Variants in PLXNA2 observed in about 807,000 individuals in gnomAD.
PLXNA2 encodes plexin-A2.
PLXNA2 carries 91 observed loss-of-function variants against 193.5 expected under a neutral mutation model. The ratio of observed to expected loss-of-function variants is 0.47; its 90% CI spans 0.40 to 0.56. The LOEUF (loss-of-function observed/expected upper bound fraction) is 0.56. Among genes scored for constraint, PLXNA2 ranks in the 20% least tolerant of loss-of-function variants. The pLI, the probability that PLXNA2 is intolerant of heterozygous loss-of-function variation, is 0.00. For synonymous variants in PLXNA2, 997 were observed against 1,027.3 expected (o/e 0.97, Z 0.56); for missense variants, 1,995 against 2,503.2 (o/e 0.80, Z 4.33).
At chr1:208,106,207 G>A (rs899309556) in intron 4 of PLXNA2, among the ~76,000 whole-genome samples, 3 of 152,046 alleles carry the variant, frequency 2.0e-5, no homozygotes, top group Non-Finnish European at 2.9e-5. Context: ...ACAAACCAGA[G>A]GAAAGAAATG....
intron 3 of PLXNA2, 141 bp from the exon 4 acceptor site, chr1:208,142,604 T>C: frequency 1.3e-6 from 1 of 764,026 alleles, no homozygotes; most frequent in Non-Finnish European, 2.0e-6. Flanking sequence ...TGCCACTTCT[T>C]TTAAACAGCC....
Position 208,043,091 on chromosome 1 carries a change from G to A in PLXNA2, c.3987C>T (p.Ile1329=), listed in dbSNP as rs760442158. 1.4e-5 allele frequency: 22 copies of A among 1,613,902 alleles called. No individual in the cohort carries two copies. In the East Asian group the frequency reaches 2.0e-4, roughly 15 times the overall value. The change falls in exon 21 of 32, where the codon ATC becomes ATT. Residue 1329 remains isoleucine, a synonymous_variant. Coordinates refer to ENST00000367033, the MANE Select transcript of PLXNA2 (RefSeq NM_025179.4). ...GCTCCCGCAGGACGGGGTGGTCCTC[G>A]ATGCCCGGGAACAGGACTCGCATAG... ...TYAMRVLFPG[I]EDHPVLRELE...
chr1:208,181,655 G>T (rs1669846351), intron 3 of PLXNA2, among the ~76,000 whole-genome samples: 1 of 152,160 alleles, frequency 6.6e-6, no homozygotes, highest in Non-Finnish European at 1.5e-5. Context: ...TCAGAGAGGG[G>T]CTGGGAGGGG....
intron 10 of PLXNA2, among the ~76,000 whole-genome samples, chr1:208,083,671 AC>A (rs1009288600): frequency 6.6e-6 from 1 of 150,572 alleles, no homozygotes; most frequent in African/African-American, 2.5e-5. Context: ...TCTCCAGCTG[AC>A]CCCCCACAGT....
Position 208,027,190 on chromosome 1 carries a change from C to T in PLXNA2, c.*53G>A. ...CACTTGTCCTTCCATCTGAGACTCC[C>T]AGTGTGACAGCTTGGACAGGTCCCT... On this transcript the variant is annotated 3_prime_UTR_variant, in exon 32 of 32. Transcript: ENST00000367033. 1 of 1,457,122 alleles carries T rather than the reference C, an allele frequency of 6.9e-7. No individual in the cohort carries two copies. The highest frequency in any genetic ancestry group is 9.6e-7 in the Non-Finnish European group (1 of 1,041,458). The allele number at this position is 1,457,122 out of a possible 1,614,324, so 90.3% of individuals were successfully genotyped here. A position where few individuals can be genotyped will look rare whatever the true frequency, so the allele number is the denominator to read the frequency against.
intron 5 of PLXNA2, among the ~76,000 whole-genome samples, chr1:208,099,350 G>C (rs1558191361): frequency 6.6e-6 from 1 of 152,226 alleles, no homozygotes; most frequent in Non-Finnish European, 1.5e-5. Context: ...CCTGAGCATA[G>C]GGGCTCAAAG....
chr1:208,188,058 G>T (rs1210672324), intron 3 of PLXNA2, among the ~76,000 whole-genome samples: 1 of 152,148 alleles, frequency 6.6e-6, no homozygotes, highest in Non-Finnish European at 1.5e-5. Context: ...GCTCCACATT[G>T]CACCACCACC....
At chr1:208,175,819 A>G (rs974503187) in intron 3 of PLXNA2, among the ~76,000 whole-genome samples, 1 of 152,082 alleles carries the variant, frequency 6.6e-6, no homozygotes, top group Admixed American at 6.5e-5. Flanking sequence ...GCCTCAGAAA[A>G]CCTGATAGCC....
intron 17 of PLXNA2, 114 bp from the exon 18 acceptor site, chr1:208,046,231 T>G: frequency 7.5e-7 from 1 of 1,330,992 alleles, no homozygotes; most frequent in Non-Finnish European, 1.0e-6. Context: ...TGGGTTTACT[T>G]GCTTGTCTCC....
chr1:208,155,407 T>C lies in PLXNA2; in HGVS notation c.1372-12944A>G, dbSNP rs114242004. ...TGCTAATATGCTCCTTAAAAAGTGC[T>C]GAAAGGAGCTATAGCCTGGCTTTTG... On this transcript the variant is annotated intron_variant, in intron 3 of 31. Coordinates refer to ENST00000367033, the MANE Select transcript of PLXNA2 (RefSeq NM_025179.4). 6.7e-3 allele frequency among the ~76,000 whole-genome samples: 1,020 copies of C among 152,258 alleles called. 9 individuals are homozygous for C. Among genetic ancestry groups the C allele is most frequent in the African/African-American group, 0.024 (994 of 41,542 alleles).
At chr1:208,108,530 T>A (rs1177796953) in intron 4 of PLXNA2, among the ~76,000 whole-genome samples, 1 of 152,172 alleles carries the variant, frequency 6.6e-6, no homozygotes, top group Non-Finnish European at 1.5e-5. Context: ...TGCCACCCTA[T>A]ATGGACACCT....
intron 4 of PLXNA2, among the ~76,000 whole-genome samples, chr1:208,108,879 C>T (rs1309115059): frequency 6.6e-6 from 1 of 152,186 alleles, no homozygotes; most frequent in Admixed American, 6.5e-5. Flanking sequence ...GGCAGGAGCA[C>T]TCAGTGTTCA....
At position 208,244,070 on chromosome 1, in the gene PLXNA2, C is replaced by G. The variant is rs1480571120; in HGVS notation, c.-508G>C. 6.5e-6 allele frequency: 1 copy of G among 152,748 alleles called. No individual in the cohort carries two copies. Among genetic ancestry groups the G allele is most frequent in the African/African-American group, 2.4e-5 (1 of 41,468 alleles). 9.5% of individuals were successfully genotyped at this position (152,748 alleles called of 1,614,324 possible). A position where few individuals can be genotyped will look rare whatever the true frequency, so the allele number is the denominator to read the frequency against. ...ATCCCGGCGCTTCCTTCCCTTCTTG[C>G]TCTCCGGTTCGTTCACAGTCCCATT... On this transcript the variant is annotated 5_prime_UTR_variant, in exon 1 of 32. Transcript: ENST00000367033.
chr1:208,150,589 G>A (rs909896630), intron 3 of PLXNA2, among the ~76,000 whole-genome samples: 1 of 152,188 alleles, frequency 6.6e-6, no homozygotes, highest in Non-Finnish European at 1.5e-5. Flanking sequence ...AAGGGTTAGG[G>A]TGGGGAGATT....
rs1414652686 is a variant in PLXNA2, at chr1:208,079,350, G to A, written c.2496C>T (p.Cys832=). The A allele has an allele frequency of 1.9e-6, 3 of 1,613,598 alleles. No individual in the cohort carries two copies. In the African/African-American group the frequency reaches 4.0e-5, roughly 22 times the overall value. Residue 832 remains cysteine, a synonymous_variant, in exon 12 of 32, where the codon TGC becomes TGT. Transcript: ENST00000367033. The part of the protein sequence containing the change: ...ECGWCSGERR[C]TLHQHCTSPS... ...GGCTGGTACAGTGCTGGTGGAGGGT[G>A]CACCTGCGCTCGCCGCTGCACCAGC...
At chr1:208,077,275 C>A (rs563470980) in intron 12 of PLXNA2, among the ~76,000 whole-genome samples, 4 of 152,300 alleles carry the variant, frequency 2.6e-5, no homozygotes, top group Non-Finnish European at 1.5e-5. Flanking sequence ...CCTCTGATGC[C>A]TGCTGATATG....
chr1:208,193,252 C>T (rs1670245279), intron 3 of PLXNA2, among the ~76,000 whole-genome samples: 1 of 152,186 alleles, frequency 6.6e-6, no homozygotes, highest in Non-Finnish European at 1.5e-5. Context: ...TTTTTGGGCT[C>T]ACATTTCCAT....
Position 208,098,901 on chromosome 1 carries a change from C to T in PLXNA2, c.1676G>A (p.Cys559Tyr), listed in dbSNP as rs1311967051. 1.2e-6 allele frequency: 2 copies of T among 1,613,902 alleles called. No homozygotes were observed. Among genetic ancestry groups the T allele is most frequent in the Non-Finnish European group, 1.7e-6 (2 of 1,180,008 alleles). ...GCTGGGATGCACTGCAAGGCTCACA[C>T]ACTGGCTGATGCTGGCAGCAAATCG... The part of the protein sequence containing the change: ...PNRFAASISQ[C>Y]VSLAVHPSSI... The change falls in exon 6 of 32, where the codon TGT becomes TAT. Residue 559 changes from cysteine to tyrosine, a missense_variant. By Grantham distance (194) the Cys-to-Tyr change is radical. Transcript: ENST00000367033.
intron 4 of PLXNA2, among the ~76,000 whole-genome samples, chr1:208,128,695 C>CTTTTT (rs34853346): frequency 9.8e-5 from 8 of 81,672 alleles, no homozygotes; most frequent in African/African-American, 1.4e-4. Context: ...CTGTTTCTTT[C>CTTTTT]TTTTTTTTTT....
Sources: gnomAD v4.1 joint callset for allele counts (sites outside exome capture counted in the v4.1 genomes callset) on GRCh38, gnomAD v4.1.1 for gene constraint, MANE v1.5 for transcripts, NCBI Gene and HGNC (gene_info 2026-07-23, HGNC 2026-07-21) for gene names.